The following ADGRL2 variants were observed in gnomAD, a reference collection of about 807,000 sequenced individuals.
ADGRL2 encodes the protein adhesion G protein-coupled receptor L2, also known as calcium-independent alpha-latrotoxin receptor 2.
A neutral mutation model predicts 157.4 loss-of-function variants in ADGRL2; 44 were observed. That is an observed-to-expected ratio of 0.28 (90% confidence interval 0.22 to 0.36). ADGRL2 has a LOEUF of 0.36. Among genes scored for constraint, ADGRL2 ranks in the 10% least tolerant of loss-of-function variants. The pLI is 1.00. For synonymous variants in ADGRL2, 585 were observed against 624.7 expected (o/e 0.94, Z 0.95); for missense variants, 1,510 against 1,768.9 (o/e 0.85, Z 2.63).
chr1:81,322,399 A>G lies in ADGRL2; in HGVS notation c.-302+15890A>G, dbSNP rs997412420. On this transcript the variant is annotated intron_variant, in intron 1 of 24. Coordinates refer to the ADGRL2 transcript ENST00000370721. Reference sequence around the variant, plus strand: ...TTAGGAATAAAGGTAACAGGACGTGATAAGTGCGTAATGATGTATATCAGT... The same window carrying G: ...TTAGGAATAAAGGTAACAGGACGTGGTAAGTGCGTAATGATGTATATCAGT... Among the ~76,000 whole-genome samples, 18 of 152,054 alleles carry G rather than the reference A, an allele frequency of 1.2e-4. No homozygotes were observed. The East Asian group carries it at 1.9e-3, about 16-fold the overall frequency.
intron 2 of ADGRL2, among the ~76,000 whole-genome samples, chr1:81,496,451 T>C (rs1274966446): frequency 6.6e-6 from 1 of 152,138 alleles, no homozygotes; most frequent in African/African-American, 2.4e-5. Context: ...CTTAACAGCC[T>C]GAATTCACCT....
At chr1:81,384,104 G>T (rs1003274316) in intron 1 of ADGRL2, among the ~76,000 whole-genome samples, 9 of 152,112 alleles carry the variant, frequency 5.9e-5, no homozygotes, top group Admixed American at 5.9e-4. Flanking sequence ...CTGTAGATGT[G>T]CAAAGATATA....
chr1:81,620,933 G>A (rs190262507), intron 3 of ADGRL2, among the ~76,000 whole-genome samples: 9 of 152,344 alleles, frequency 5.9e-5, no homozygotes, highest in Admixed American at 2.6e-4. Context: ...GTGTTAGGAA[G>A]TACCGAGCAG....
chr1:81,991,236 A>G lies in ADGRL2; in HGVS notation c.*91A>G. ...ACGCAGCTCCCTCAAACTCTGCTTGAAGAGATGACTCTTGACCTGTGGTTC... is the reference window on the plus strand; with the variant it reads ...ACGCAGCTCCCTCAAACTCTGCTTGGAGAGATGACTCTTGACCTGTGGTTC... On this transcript the variant is annotated 3_prime_UTR_variant, in exon 24 of 24. Coordinates refer to ENST00000686636, the MANE Select transcript of ADGRL2 (RefSeq NM_001366006.2). The G allele has an allele frequency of 3.4e-6, 4 of 1,193,750 alleles. No homozygotes were observed. Among genetic ancestry groups the G allele is most frequent in the Middle Eastern group, 2.0e-4 (1 of 4,948 alleles). 73.9% of individuals were successfully genotyped at this position (1,193,750 alleles called of 1,614,324 possible). A position where few individuals can be genotyped will look rare whatever the true frequency, so the allele number is the denominator to read the frequency against.
chr1:81,672,064 G>T (rs946363187), intron 3 of ADGRL2, among the ~76,000 whole-genome samples: 1 of 152,196 alleles, frequency 6.6e-6, no homozygotes, highest in African/African-American at 2.4e-5. Flanking sequence ...TGATGTCCCA[G>T]ACAACAGCCT....
intron 19 of ADGRL2, 107 bp downstream of exon 19, chr1:81,982,083 G>A (rs1661818643): frequency 1.1e-6 from 1 of 895,092 alleles, no homozygotes; most frequent in Non-Finnish European, 1.6e-6. Flanking sequence ...TTGTTAAAGA[G>A]CATTATATTT....
intron 2 of ADGRL2, among the ~76,000 whole-genome samples, chr1:81,463,159 G>T (rs1273429129): frequency 2.7e-5 from 4 of 150,716 alleles, no homozygotes; most frequent in African/African-American, 9.7e-5. Flanking sequence ...AAAACAAGTT[G>T]TGTAAACTTT....
chr1:81,633,529 G>A (rs1253255275), intron 3 of ADGRL2, among the ~76,000 whole-genome samples: 1 of 148,030 alleles, frequency 6.8e-6, no homozygotes, highest in Non-Finnish European at 1.5e-5. Flanking sequence ...TGGGGAAGGG[G>A]AGGTTGAAGT....
At chr1:81,915,641 T>A (rs907713077) in intron 3 of ADGRL2, among the ~76,000 whole-genome samples, 6 of 152,292 alleles carry the variant, frequency 3.9e-5, no homozygotes, top group African/African-American at 1.4e-4. Flanking sequence ...TTGAATTTTA[T>A]TTTATTTTTG....
At chr1:81,944,259 G>C (rs1649047858) in intron 6 of ADGRL2, among the ~76,000 whole-genome samples, 1 of 151,966 alleles carries the variant, frequency 6.6e-6, no homozygotes, top group African/African-American at 2.4e-5. Flanking sequence ...TATTTTTCTA[G>C]ATTATCATGT....
intron 15 of ADGRL2, 50 bp from the exon 16 acceptor site, chr1:81,970,264 A>C (rs1211559179): frequency 7.8e-7 from 1 of 1,287,020 alleles, no homozygotes; most frequent in Non-Finnish European, 1.1e-6. Context: ...GGAGTGGGCT[A>C]TTTTTATTCA....
intron 1 of ADGRL2, among the ~76,000 whole-genome samples, chr1:81,441,984 C>G (rs1028203462): frequency 2.0e-5 from 3 of 152,232 alleles, no homozygotes; most frequent in Admixed American, 2.0e-4. Flanking sequence ...CAGATGCACA[C>G]TACCATGCCT....
intron 2 of ADGRL2, among the ~76,000 whole-genome samples, chr1:81,550,179 C>T (rs1012940157): frequency 6.6e-6 from 1 of 152,092 alleles, no homozygotes; most frequent in Non-Finnish European, 1.5e-5. Context: ...CCTTATATTG[C>T]AAGATTGTTT....
chr1:81,823,039 A>G (rs1408129742), intron 1 of ADGRL2, among the ~76,000 whole-genome samples: 1 of 152,020 alleles, frequency 6.6e-6, no homozygotes, highest in East Asian at 1.9e-4. Flanking sequence ...GACACTCTTT[A>G]ATATTTAAGT....
chr1:81,581,869 T>TGC (rs58154937), intron 3 of ADGRL2, among the ~76,000 whole-genome samples: 162 of 97,592 alleles, frequency 1.7e-3, no homozygotes, highest in African/African-American at 5.1e-3. Flanking sequence ...ACCACACACA[T>TGC]GCGCGCACAC....
At position 81,990,520 on chromosome 1, in the gene ADGRL2, T is replaced by C. The variant is rs371147332; in HGVS notation, c.3785T>C (p.Leu1262Pro). 6.2e-7 allele frequency: 1 copy of C among 1,614,048 alleles called. No homozygotes were observed. Among genetic ancestry groups the C allele is most frequent in the Non-Finnish European group, 8.5e-7 (1 of 1,180,016 alleles). ...AGCGTGCAAGTTGTGGACTGTGGAC[T>C]AAGTCTGAATGATACTGCTTTTGAG... ...NDSVQVVDCG[L>P]SLNDTAFEKM... is the part of the protein sequence containing the mutation. The change falls in exon 24 of 24, where the codon CTA (leucine) becomes CCA (proline). Residue 1262 changes from leucine (L) to proline (P), a missense_variant. Physicochemically the swap from Leu to Pro is moderately conservative, Grantham distance 98. Transcript: ENST00000686636.
At chr1:81,462,445 C>T (rs936344796) in intron 2 of ADGRL2, among the ~76,000 whole-genome samples, 4 of 151,018 alleles carry the variant, frequency 2.6e-5, no homozygotes, top group African/African-American at 7.3e-5. Context: ...TTGAAGTCAG[C>T]GAGACCAAGA....
chr1:81,698,819 C>T (rs2083498261), upstream of ADGRL2, among the ~76,000 whole-genome samples: 1 of 152,114 alleles, frequency 6.6e-6, no homozygotes, highest in Non-Finnish European at 1.5e-5. Flanking sequence ...TTTCTAAAAT[C>T]TGGTCTTGCT....
chr1:81,390,998 G>GGA (rs1443242639), intron 1 of ADGRL2, among the ~76,000 whole-genome samples: 1 of 152,306 alleles, frequency 6.6e-6, no homozygotes, highest in Admixed American at 6.5e-5. Flanking sequence ...AAACACTCAT[G>GGA]GAAACTTTTG....
Sources: allele counts gnomAD v4.1 joint callset (sites outside exome capture counted in the v4.1 genomes callset), GRCh38; gene constraint gnomAD v4.1.1; transcripts MANE v1.5; gene names NCBI Gene and HGNC (gene_info 2026-07-23, HGNC 2026-07-21).